The following MCF2L variants were observed in gnomAD, a reference collection of about 807,000 sequenced individuals.
MCF2L encodes the protein guanine nucleotide exchange factor DBS.
MCF2L carries 97 observed loss-of-function variants against 153.4 expected under a neutral mutation model. That is an observed-to-expected ratio of 0.63 (90% CI 0.54 to 0.75). The LOEUF is 0.75. Among genes scored for constraint, MCF2L ranks in the 30% least tolerant of loss-of-function variants. The pLI is 0.00. For missense variants in MCF2L, 1,347 were observed against 1,495.2 expected (o/e 0.90, Z 1.64); for synonymous variants, 659 against 632.2 (o/e 1.04, Z -0.64).
Position 113,026,491 on chromosome 13 carries a change from C to T in MCF2L, c.278+1733C>T, listed in dbSNP as rs140983389. Among the ~76,000 whole-genome samples, 1,362 of 152,318 alleles carry T rather than the reference C, an allele frequency of 8.9e-3. 12 individuals carry two copies. The highest frequency in any genetic ancestry group is 0.027 in the Middle Eastern group (8 of 294). On this transcript the variant is annotated intron_variant, in intron 3 of 29. Coordinates refer to ENST00000535094, the MANE Select transcript of MCF2L (RefSeq NM_001112732.3). ...GGAGCTCGGAGGCCCACCTGGAGGC[C>T]CAGTTGCTCAGCAGTCGGGATCTGA...
rs142077447 is a variant in MCF2L, at chr13:112,945,492, G to A, written c.169+43121G>A. Among the ~76,000 whole-genome samples the A allele has an allele frequency of 7.9e-5, 12 of 152,356 alleles. No homozygotes were observed. In the East Asian group the frequency reaches 2.3e-3, roughly 29 times the overall value. ...TTTTTTAAAGTGCTTATTATATAAA[G>A]AAATGATTTTGATTCACTATCTTTG... On this transcript the variant is annotated intron_variant, in intron 2 of 29. Transcript: ENST00000375608.
rs1204130116 is a variant in MCF2L, at chr13:113,030,834, C to T, written c.278+6076C>T. On this transcript the variant is annotated intron_variant, in intron 3 of 29. Coordinates refer to ENST00000535094, the MANE Select transcript of MCF2L (RefSeq NM_001112732.3). ...TATGGCCCCCTTAGAACCACATGGC[C>T]GGGGAGGAGATGCACAGGTAGACGG... is the stretch of plus-strand genomic sequence containing the variant. Among the ~76,000 whole-genome samples the T allele has an allele frequency of 4.6e-5, 7 of 152,042 alleles. No homozygotes were observed. The South Asian group carries it at 6.2e-4, about 14-fold the overall frequency.
At chr13:112,997,997 G>A (rs147490473) in intron 1 of MCF2L, among the ~76,000 whole-genome samples, 1,543 of 152,256 alleles carry the variant, frequency 0.01, 13 homozygotes, top group Non-Finnish European at 0.015. Context: ...CGTCGGCTCT[G>A]TGCCCTGCGT....
intron 3 of MCF2L, among the ~76,000 whole-genome samples, chr13:113,025,738 C>T (rs1202498392): frequency 4.4e-5 from 6 of 136,478 alleles, no homozygotes; most frequent in East Asian, 2.4e-4. Context: ...TGAGATTTCA[C>T]CAGGGTGGGG....
intron 21 of MCF2L, among the ~76,000 whole-genome samples, chr13:113,086,470 G>A (rs1292755695): frequency 2.6e-5 from 4 of 152,146 alleles, no homozygotes; most frequent in South Asian, 4.1e-4. Flanking sequence ...TCTCTGGGAC[G>A]TGGAGAAAAT....
Position 113,074,447 on chromosome 13 carries a change from A to G in MCF2L, c.1000A>G (p.Lys334Glu). The G allele has an allele frequency of 6.2e-7, 1 of 1,613,424 alleles. No individual in the cohort carries two copies. Among genetic ancestry groups the G allele is most frequent in the Non-Finnish European group, 8.5e-7 (1 of 1,179,468 alleles). Residue 334 changes from lysine to glutamate, a missense_variant, in exon 10 of 30, where the codon AAA becomes GAA. Coordinates refer to ENST00000535094, the MANE Select transcript of MCF2L (RefSeq NM_001112732.3). The surrounding 1 kb of genome is among the most constrained non-coding windows in gnomAD (Gnocchi z 4.2). Reference protein sequence around the residue: ...RHFEQGFREVKAILDAASQKI... With the variant: ...RHFEQGFREVEAILDAASQKI... The stretch of plus-strand genomic sequence containing the variant: ...GATGGGCCCTCCTCTGTTCCAGGTC[A>G]AAGCCATCTTGGACGCAGCGTCCCA...
intron 2 of MCF2L, among the ~76,000 whole-genome samples, chr13:112,926,025 T>G (rs1207070855): frequency 1.3e-5 from 2 of 152,156 alleles, no homozygotes; most frequent in Non-Finnish European, 2.9e-5. Context: ...TATCAACCAG[T>G]AGTTCACAGA....
At chr13:113,047,603 C>T (rs1038329475) in intron 4 of MCF2L, among the ~76,000 whole-genome samples, 10 of 152,272 alleles carry the variant, frequency 6.6e-5, no homozygotes, top group Non-Finnish European at 1.3e-4. Flanking sequence ...GCCATCAGGA[C>T]GACTCTTAGC....
chr13:113,066,818 G>A (rs60576825), intron 8 of MCF2L, among the ~76,000 whole-genome samples: 2,595 of 151,826 alleles, frequency 0.017, 76 homozygotes, highest in African/African-American at 0.059. Context: ...AGCAGGGCCC[G>A]CACAGCTGGA....
At chr13:112,985,420 A>G (rs1426530148) in intron 1 of MCF2L, 2 of 470,936 alleles carry the variant, frequency 4.2e-6, no homozygotes, top group Non-Finnish European at 8.8e-6. Context: ...TCCGTGGCGG[A>G]AATGAAAAGC....
intron 8 of MCF2L, among the ~76,000 whole-genome samples, chr13:113,066,855 G>C (rs78001987): frequency 1.3e-5 from 2 of 152,228 alleles, no homozygotes; most frequent in African/African-American, 4.8e-5. Flanking sequence ...AGGGCCGTGC[G>C]GGGCGCACCC....
At chr13:112,935,709 A>G (rs535071545) in intron 2 of MCF2L, among the ~76,000 whole-genome samples, 2 of 152,340 alleles carry the variant, frequency 1.3e-5, no homozygotes, top group African/African-American at 2.4e-5. Flanking sequence ...TGATACTTTC[A>G]GCGTACACTG....
At chr13:113,060,813 C>T in intron 5 of MCF2L, 101 bp downstream of exon 5, 1 of 1,507,604 alleles carries the variant, frequency 6.6e-7, no homozygotes, top group South Asian at 1.2e-5. Flanking sequence ...GACTTCAGGG[C>T]CACACGGTCA....
intron 2 of MCF2L, among the ~76,000 whole-genome samples, chr13:112,906,632 G>A (rs904688337): frequency 2.6e-5 from 4 of 152,350 alleles, no homozygotes; most frequent in Admixed American, 6.5e-5. Flanking sequence ...TGCGTAATGC[G>A]TTCTGGCTCT....
intron 3 of MCF2L, among the ~76,000 whole-genome samples, chr13:113,036,476 C>T (rs951759990): frequency 6.6e-6 from 1 of 152,184 alleles, no homozygotes; most frequent in Non-Finnish European, 1.5e-5. Context: ...ATGCCAGCTG[C>T]CCACAGGCAA....
intron 2 of MCF2L, among the ~76,000 whole-genome samples, chr13:112,916,395 C>T (rs1336507279): frequency 6.6e-6 from 1 of 152,202 alleles, no homozygotes; most frequent in Non-Finnish European, 1.5e-5. Context: ...TTGTCCTTTT[C>T]TTTAGAAAAT....
intron 3 of MCF2L, among the ~76,000 whole-genome samples, chr13:113,039,226 G>A (rs902356642): frequency 1.3e-5 from 2 of 152,194 alleles, no homozygotes; most frequent in Admixed American, 1.3e-4. Context: ...TCCTCAGTAA[G>A]AGGAGTGGAT....
At chr13:113,079,948 G>A (rs1170883556) in intron 15 of MCF2L, among the ~76,000 whole-genome samples, 85 of 150,218 alleles carry the variant, frequency 5.7e-4, no homozygotes, top group Non-Finnish European at 1.0e-4. Flanking sequence ...TGTCCATACC[G>A]AGGAGAGTCC....
At chr13:112,959,516 T>C (rs1016756879) in intron 2 of MCF2L, among the ~76,000 whole-genome samples, 1 of 152,100 alleles carries the variant, frequency 6.6e-6, no homozygotes, top group Non-Finnish European at 1.5e-5. Context: ...AGGAGGGTCA[T>C]CCTGGGGGGA....
Sources: allele counts gnomAD v4.1 joint callset (sites outside exome capture counted in the v4.1 genomes callset), GRCh38; gene constraint gnomAD v4.1.1; non-coding constraint Gnocchi (gnomAD v3.1); transcripts MANE v1.5; gene names NCBI Gene and HGNC (gene_info 2026-07-23, HGNC 2026-07-21).